MINDY3: variants seen among roughly 807,000 people sequenced by gnomAD.
MINDY3 encodes the protein MINDY lysine 48 deubiquitinase 3, also known as ubiquitin carboxyl-terminal hydrolase MINDY-3.
In MINDY3, 38 loss-of-function variants were observed where a neutral mutation model predicts 69.2. The observed-to-expected ratio is 0.55, with a 90% CI of 0.42 to 0.72. The LOEUF is 0.72. MINDY3 is among the 30% of genes least tolerant of loss of function. MINDY3 has a pLI of 0.00. For missense variants in MINDY3, 522 were observed against 519.0 expected (o/e 1.01, Z -0.06); for synonymous variants, 192 against 180.1 (o/e 1.07, Z -0.53).
intron 10 of MINDY3, among the ~76,000 whole-genome samples, chr10:15,805,553 T>G (rs1393936014): frequency 6.6e-6 from 1 of 152,154 alleles, no homozygotes; most frequent in Non-Finnish European, 1.5e-5. Context: ...TTGTTCCCAA[T>G]TAGTTGCTGC....
chr10:15,778,831 C>T lies in MINDY3; in HGVS notation c.*161G>A, dbSNP rs117028015. The T allele has an allele frequency of 0.029, 16,455 of 566,986 alleles. 323 individuals carry two copies. Among genetic ancestry groups the T allele is most frequent in the Non-Finnish European group, 0.036 (12,272 of 343,588 alleles). The allele number at this position is 566,986 out of a possible 1,614,324, so 35.1% of individuals were successfully genotyped here. On this transcript the variant is annotated 3_prime_UTR_variant, in exon 15 of 15. Coordinates refer to ENST00000277632, the MANE Select transcript of MINDY3 (RefSeq NM_024948.4). Reference sequence around the variant, plus strand: ...TAATCTTTAACATAAAGCTTTAGGACAAATAATTTAAACATATCATAAACA... The same window carrying T: ...TAATCTTTAACATAAAGCTTTAGGATAAATAATTTAAACATATCATAAACA...
Position 15,778,672 on chromosome 10 carries a change from C to A in MINDY3, c.*320G>T, listed in dbSNP as rs191832646. ...TAGTTTATCAATAGTAACTGTGATA[C>A]TTAATATACAAATGCTGTAGTATTG... On this transcript the variant is annotated 3_prime_UTR_variant, in exon 15 of 15. Transcript: ENST00000277632. 360 of 191,912 alleles carry A rather than the reference C, an allele frequency of 1.9e-3. No individual in the cohort carries two copies. The highest frequency in any genetic ancestry group is 1.6e-3 in the Non-Finnish European group (152 of 93,696). The allele number at this position is 191,912 out of a possible 1,614,324, so 11.9% of individuals were successfully genotyped here.
intron 8 of MINDY3, among the ~76,000 whole-genome samples, chr10:15,832,870 A>G (rs1832828143): frequency 6.6e-6 from 1 of 152,232 alleles, no homozygotes; most frequent in African/African-American, 2.4e-5. Flanking sequence ...AAAAAGTGGT[A>G]ACTATTATTT....
intron 11 of MINDY3, among the ~76,000 whole-genome samples, chr10:15,795,746 A>G (rs1837769954): frequency 6.6e-6 from 1 of 152,052 alleles, no homozygotes; most frequent in Non-Finnish European, 1.5e-5. Flanking sequence ...ATACAGAAAT[A>G]TCCTGGAAGA....
chr10:15,781,515 C>T (rs1014282159), intron 14 of MINDY3, among the ~76,000 whole-genome samples: 13 of 151,922 alleles, frequency 8.6e-5, no homozygotes, highest in Non-Finnish European at 1.2e-4. Flanking sequence ...TCTAGCTTTA[C>T]GCCAGGTTGA....
chr10:15,830,525 G>A (rs1022701535), intron 8 of MINDY3, among the ~76,000 whole-genome samples: 1 of 152,212 alleles, frequency 6.6e-6, no homozygotes, highest in East Asian at 1.9e-4. Context: ...TACACTACAT[G>A]TTAGTCTTGA....
chr10:15,789,744 T>TA (rs1837270983), intron 11 of MINDY3, among the ~76,000 whole-genome samples: 1 of 152,136 alleles, frequency 6.6e-6, no homozygotes, highest in Non-Finnish European at 1.5e-5. Flanking sequence ...ATTTAGTTTC[T>TA]TGAAGGAATG....
chr10:15,831,040 C>T (rs1840422551), intron 8 of MINDY3, among the ~76,000 whole-genome samples: 1 of 151,960 alleles, frequency 6.6e-6, no homozygotes, highest in Non-Finnish European at 1.5e-5. Context: ...AAAGAATATG[C>T]TGAAAAAAGA....
intron 1 of MINDY3, 64 bp from the exon 2 acceptor site, chr10:15,848,007 T>C: frequency 7.6e-7 from 1 of 1,316,272 alleles, no homozygotes; most frequent in Non-Finnish European, 1.1e-6. Context: ...AAAGAATCTT[T>C]CATGTACTTT....
intron 8 of MINDY3, among the ~76,000 whole-genome samples, chr10:15,827,983 A>C (rs1484578425): frequency 3.3e-5 from 5 of 152,340 alleles, no homozygotes; most frequent in African/African-American, 1.2e-4. Context: ...TTGATAAAGC[A>C]AATTTTAGAA....
At position 15,816,867 on chromosome 10, in the gene MINDY3, T is replaced by G; in HGVS notation, c.850A>C (p.Ser284Arg). Reference sequence around the variant, plus strand: ...AAAAATACGGTGAGGTGAGTCTCACTGCCAACAATCCAAATAGGGAATTTT... The same window carrying G: ...AAAAATACGGTGAGGTGAGTCTCACGGCCAACAATCCAAATAGGGAATTTT... ...SPKFPIWIVG[S>R]ETHLTVFFAK... The change falls in exon 10 of 15, where the codon AGT (serine) becomes CGT (arginine). Residue 284 changes from serine to arginine, a missense_variant. By Grantham distance (110) the Ser-to-Arg change is moderately radical. Coordinates refer to ENST00000277632, the MANE Select transcript of MINDY3 (RefSeq NM_024948.4). 3 of 1,613,538 alleles carry G rather than the reference T, an allele frequency of 1.9e-6. No homozygotes were observed. The highest frequency in any genetic ancestry group is 8.5e-7 in the Non-Finnish European group (1 of 1,179,664).
chr10:15,822,426 C>G (rs978947925), intron 8 of MINDY3, among the ~76,000 whole-genome samples: 5 of 152,008 alleles, frequency 3.3e-5, no homozygotes, highest in African/African-American at 4.8e-5. Context: ...AATCTTGAAG[C>G]GTATTACAGT....
intron 7 of MINDY3, 106 bp from the exon 8 acceptor site, chr10:15,833,815 G>C: frequency 3.9e-6 from 3 of 765,642 alleles, no homozygotes; most frequent in Non-Finnish European, 6.5e-6. Flanking sequence ...AATTATGTAA[G>C]AATTTACAAA....
chr10:15,857,834 A>T (rs1475101805), intron 1 of MINDY3: 2 of 529,656 alleles, frequency 3.8e-6, no homozygotes, highest in African/African-American at 4.2e-5. Context: ...TAACTTGATC[A>T]ATCAATATAA....
intron 11 of MINDY3, among the ~76,000 whole-genome samples, chr10:15,790,548 T>C (rs1170284959): frequency 3.3e-5 from 5 of 152,080 alleles, no homozygotes; most frequent in African/African-American, 1.2e-4. Context: ...AGTTAAGTCA[T>C]AGCTAAAGGC....
rs201380851 is a variant in MINDY3, at chr10:15,816,798, T to C, written c.882+37A>G. ...GAACTTATAATACTTGTTTGCCTGA[T>C]GTCATAACTTAAAAAAAAATCCTGC... On this transcript the variant is annotated intron_variant, in intron 10 of 14. Coordinates refer to ENST00000277632, the MANE Select transcript of MINDY3 (RefSeq NM_024948.4). 4.6e-5 allele frequency: 63 copies of C among 1,364,584 alleles called. No homozygotes were observed. In the African/African-American group the frequency reaches 8.0e-4, roughly 17 times the overall value. The allele number at this position is 1,364,584 out of a possible 1,614,324, so 84.5% of individuals were successfully genotyped here. A position where few individuals can be genotyped will look rare whatever the true frequency, so the allele number is the denominator to read the frequency against.
intron 1 of MINDY3, among the ~76,000 whole-genome samples, chr10:15,851,459 C>T (rs1834291843): frequency 6.6e-6 from 1 of 151,986 alleles, no homozygotes; most frequent in Non-Finnish European, 1.5e-5. Context: ...TGAGATATTT[C>T]ATTTTCTCTA....
chr10:15,835,448 CAA>C (rs765368968), intron 6 of MINDY3, among the ~76,000 whole-genome samples: 1 of 152,040 alleles, frequency 6.6e-6, no homozygotes, highest in Non-Finnish European at 1.5e-5. Flanking sequence ...CAGGGGGAAA[CAA>C]AGAAGCATGA....
In MINDY3 at chr10:15,778,999, A is replaced by G; in HGVS notation, c.1331T>C (p.Leu444Pro). ...LLWTTDRSPS[L>P]N The stretch of plus-strand genomic sequence containing the variant: ...TATAAATACTTAGACAAATTAATTT[A>G]GTGAAGGAGAGCGATCTGTGGTCCA... Residue 444 changes from leucine to proline, a missense_variant, in exon 15 of 15, where the codon CTA becomes CCA. Transcript: ENST00000277632. 6.2e-7 allele frequency: 1 copy of G among 1,612,670 alleles called. No homozygotes were observed. The highest frequency in any genetic ancestry group is 8.5e-7 in the Non-Finnish European group (1 of 1,179,262).
Sources: allele counts gnomAD v4.1 joint callset (sites outside exome capture counted in the v4.1 genomes callset), GRCh38; gene constraint gnomAD v4.1.1; transcripts MANE v1.5; gene names NCBI Gene and HGNC (gene_info 2026-07-23, HGNC 2026-07-21).